PCDHA1: variants seen among roughly 807,000 people sequenced by gnomAD.
The protein encoded by PCDHA1 is protocadherin alpha-1.
In PCDHA1, 42 loss-of-function variants were observed where a neutral mutation model predicts 61.3. That is an observed-to-expected ratio of 0.69 (90% CI 0.54 to 0.89). PCDHA1 has a LOEUF of 0.89. PCDHA1 is among the 40% of genes least tolerant of loss of function. The pLI, the probability that PCDHA1 is intolerant of heterozygous loss-of-function variation, is 0.00. For missense variants in PCDHA1, 1,256 were observed against 1,235.3 expected, an observed-to-expected ratio of 1.02 and a Z score of -0.25; for synonymous variants, 610 against 553.8, an observed-to-expected ratio of 1.10 and a Z score of -1.43.
chr5:140,817,291 C>A (rs1416812795), intron 1 of PCDHA1: 1 of 152,222 alleles, frequency 6.6e-6, no homozygotes, highest in East Asian at 1.9e-4. Context: ...CTGGATGGGA[C>A]TATAGGGAAA....
At chr5:140,983,977 C>T (rs566705604) in intron 3 of PCDHA1, among the ~76,000 whole-genome samples, 20 of 152,234 alleles carry the variant, frequency 1.3e-4, no homozygotes, top group Non-Finnish European at 2.4e-4. Flanking sequence ...AAAAAATATA[C>T]GAGTTGAAGC....
chr5:140,916,475 C>T (rs2077583115), intron 1 of PCDHA1, among the ~76,000 whole-genome samples: 1 of 152,206 alleles, frequency 6.6e-6, no homozygotes, highest in South Asian at 2.1e-4. Flanking sequence ...TTATTTGGTG[C>T]CCAAGGGCTC....
At chr5:140,835,557 C>G (rs2150238146) in intron 1 of PCDHA1, 4 of 1,613,818 alleles carry the variant, frequency 2.5e-6, no homozygotes, top group Non-Finnish European at 3.4e-6. Context: ...CCTGACGCCC[C>G]GCGTTCCCTT....
intron 1 of PCDHA1, among the ~76,000 whole-genome samples, chr5:140,977,651 G>T (rs1554238723): frequency 6.6e-6 from 1 of 152,136 alleles, no homozygotes; most frequent in East Asian, 1.9e-4. Flanking sequence ...CCTTGACTTT[G>T]GCTAATTCTC....
At chr5:140,987,982 C>T (rs781838400) in intron 3 of PCDHA1, among the ~76,000 whole-genome samples, 16 of 152,206 alleles carry the variant, frequency 1.1e-4, no homozygotes, top group Non-Finnish European at 1.5e-4. Flanking sequence ...TCCATGGAGA[C>T]TCCATCTCTG....
chr5:140,899,513 C>T (rs4552682), intron 1 of PCDHA1, among the ~76,000 whole-genome samples: 7,065 of 152,042 alleles, frequency 0.046, 286 homozygotes, highest in African/African-American at 0.11. Flanking sequence ...GCATATATTG[C>T]ATCCCAGGGA....
In PCDHA1 at chr5:140,958,926, C is replaced by T. The variant is rs2095452227; in HGVS notation, c.2395-20023C>T. Among the ~76,000 whole-genome samples the T allele has an allele frequency of 2.1e-5, 3 of 143,506 alleles. No individual in the cohort carries two copies. The Admixed American group carries it at 2.1e-4, about 10-fold the overall frequency. The allele number at this position is 143,506 out of a possible 152,430, so 94.1% of individuals were successfully genotyped here. A position where few individuals can be genotyped will look rare whatever the true frequency, so the allele number is the denominator to read the frequency against. Reference sequence around the variant, plus strand: ...AGAAAAGTCTGCCTGGGTGTGGTGGCTCATACTTGTAATAATATTATATTA... The same window carrying T: ...AGAAAAGTCTGCCTGGGTGTGGTGGTTCATACTTGTAATAATATTATATTA... On this transcript the variant is annotated intron_variant, in intron 1 of 3. Transcript: ENST00000504120.
chr5:140,812,982 T>C, intron 1 of PCDHA1: 1 of 152,248 alleles, frequency 6.6e-6, no homozygotes, highest in Non-Finnish European at 1.5e-5. Context: ...TCTAGTTTTA[T>C]TCCACTGTGG....
intron 1 of PCDHA1, chr5:140,883,153 A>G (rs1268982674): frequency 2.5e-6 from 4 of 1,614,120 alleles, no homozygotes; most frequent in Non-Finnish European, 8.5e-7. Flanking sequence ...CATTTACCAT[A>G]AATCCGAACA....
intron 1 of PCDHA1, chr5:140,808,887 C>T (rs782248203): frequency 5.6e-6 from 9 of 1,613,172 alleles, no homozygotes; most frequent in Non-Finnish European, 7.6e-6. Context: ...GCACTGCTAG[C>T]GCCTCGGGCG....
At chr5:140,796,619 A>G (rs1287866017) in intron 1 of PCDHA1, 1 of 1,611,800 alleles carries the variant, frequency 6.2e-7, no homozygotes, top group African/African-American at 1.3e-5. Context: ...GTGACGCTGC[A>G]GGTGTTCGTG....
At chr5:140,954,722 G>A (rs1554221565) in intron 1 of PCDHA1, among the ~76,000 whole-genome samples, 1 of 152,092 alleles carries the variant, frequency 6.6e-6, no homozygotes, top group African/African-American at 2.4e-5. Context: ...TCTGTAGGTT[G>A]TCTTTTCACT....
intron 1 of PCDHA1, among the ~76,000 whole-genome samples, chr5:140,893,162 G>A (rs2063851714): frequency 6.6e-6 from 1 of 152,202 alleles, no homozygotes; most frequent in Non-Finnish European, 1.5e-5. Flanking sequence ...GGATATTGAG[G>A]TTGATTCCAC....
At chr5:140,827,951 A>T (rs1222083879) in intron 1 of PCDHA1, 6 of 1,273,218 alleles carry the variant, frequency 4.7e-6, no homozygotes, top group Middle Eastern at 4.5e-4. Flanking sequence ...CAACATTCAA[A>T]TTTCTTCTAT....
chr5:140,866,893 A>G (rs961620387), intron 1 of PCDHA1: 1 of 152,138 alleles, frequency 6.6e-6, no homozygotes, highest in Admixed American at 6.5e-5. Context: ...ATACCCAGAT[A>G]TTAGGCTGAT....
At chr5:140,980,397 C>T (rs888776890) in intron 2 of PCDHA1, among the ~76,000 whole-genome samples, 3 of 152,100 alleles carry the variant, frequency 2.0e-5, no homozygotes, top group South Asian at 2.1e-4. Context: ...TTTGGGAGGC[C>T]GAGGTGGGCA....
At chr5:140,834,193 T>C in intron 1 of PCDHA1, 1 of 594,062 alleles carries the variant, frequency 1.7e-6, no homozygotes, top group Non-Finnish European at 2.9e-6. Flanking sequence ...GATGTCGCTC[T>C]TTACCGCAAA....
rs140143048 is a variant in PCDHA1, at chr5:140,842,939, G to A, written c.2394+54255G>A. Reference sequence around the variant, plus strand: ...GCAGTTCCAGGTGAGCGCGCGCGACGCGGGCGTGCCGCCTCTGGGCAGCAA... The same window carrying A: ...GCAGTTCCAGGTGAGCGCGCGCGACACGGGCGTGCCGCCTCTGGGCAGCAA... On this transcript the variant is annotated intron_variant, in intron 1 of 3. Transcript: ENST00000504120. 5.6e-6 allele frequency: 9 copies of A among 1,594,456 alleles called. No individual in the cohort carries two copies. In the African/African-American group the frequency reaches 1.2e-4, roughly 21 times the overall value.
At chr5:140,857,991 T>A (rs1554150990) in intron 1 of PCDHA1, 1 of 1,596,560 alleles carries the variant, frequency 6.3e-7, no homozygotes. Context: ...CGCCTACTGG[T>A]GCTGGTGAAG....
Sources: gnomAD v4.1 joint callset for allele counts (sites outside exome capture counted in the v4.1 genomes callset) on GRCh38, gnomAD v4.1.1 for gene constraint, MANE v1.5 for transcripts, NCBI Gene and HGNC (gene_info 2026-07-23, HGNC 2026-07-21) for gene names.